ASPM: variants seen among roughly 807,000 people sequenced by gnomAD.
ASPM encodes assembly factor for spindle microtubules, also known as abnormal spindle-like microcephaly-associated protein.
A neutral mutation model predicts 366.4 loss-of-function variants in ASPM; 256 were observed. The observed-to-expected ratio is 0.70, with a 90% CI of 0.63 to 0.77. ASPM has a LOEUF of 0.77. Ranked by LOEUF, ASPM falls within the 30% of genes least tolerant of loss-of-function variation. The pLI is 0.00. For synonymous variants in ASPM, 1,414 were observed against 1,342.9 expected (o/e 1.05, Z -1.16); for missense variants, 4,146 against 4,090.4 (o/e 1.01, Z -0.37).
Position 197,102,740 on chromosome 1 carries a change from T to C in ASPM, c.6511A>G (p.Lys2171Glu), listed in dbSNP as rs146254857. The C allele has an allele frequency of 8.1e-6, 13 of 1,612,562 alleles. No homozygotes were observed. Among genetic ancestry groups the C allele is most frequent in the African/African-American group, 4.0e-5 (3 of 74,820 alleles). The change falls in exon 18 of 28, where the codon AAA (lysine) becomes GAA (glutamate). Residue 2171 changes from lysine (K) to glutamate (E), a missense_variant. Coordinates refer to ENST00000367409, the MANE Select transcript of ASPM (RefSeq NM_018136.5). ...EKYLTILKAV[K>E]VLQASFRGVR... is the part of the protein sequence containing the mutation. ...CCTCTAAAACTTGCCTGAAGGACTTTAACAGCTTTCAAAATTGTCAGGTAC... is the reference window on the plus strand; with the variant it reads ...CCTCTAAAACTTGCCTGAAGGACTTCAACAGCTTTCAAAATTGTCAGGTAC...
intron 17 of ASPM, among the ~76,000 whole-genome samples, chr1:197,106,845 A>C (rs1434403156): frequency 3.3e-5 from 5 of 152,118 alleles, no homozygotes; most frequent in African/African-American, 1.2e-4. Context: ...ACAGCAAATA[A>C]AAATAATTGA....
intron 16 of ASPM, among the ~76,000 whole-genome samples, chr1:197,120,895 T>A (rs546737293): frequency 2.0e-5 from 3 of 152,166 alleles, no homozygotes; most frequent in African/African-American, 7.2e-5. Flanking sequence ...AACTTTACTA[T>A]GAAGAGTTTG....
In ASPM at chr1:197,103,748, A is replaced by C. The variant is rs560302092; in HGVS notation, c.5503T>G (p.Phe1835Val). Residue 1835 changes from phenylalanine to valine, a missense_variant, in exon 18 of 28, where the codon TTT becomes GTT. By Grantham distance (50) the Phe-to-Val change is conservative. Around this residue, in one of 3 missense-constraint regions of ASPM, gnomAD observed 3,624 missense variants for 3,591.7 expected, o/e 1.01. Coordinates refer to ENST00000367409, the MANE Select transcript of ASPM (RefSeq NM_018136.5). Reference sequence around the variant, plus strand: ...TTTACCCTTTTATTATAGCCTCTAAAAGCAGACTGAATTTTAAGAGCAGCT... The same window carrying C: ...TTTACCCTTTTATTATAGCCTCTAACAGCAGACTGAATTTTAAGAGCAGCT... ...SIAALKIQSA[F>V]RGYNKRVKYQ... is the part of the protein sequence containing the mutation. 1.3e-5 allele frequency: 21 copies of C among 1,612,838 alleles called. No individual in the cohort carries two copies. The highest frequency in any genetic ancestry group is 1.8e-5 in the Non-Finnish European group (21 of 1,179,332).
At chr1:197,089,002 T>C (rs938891233) in intron 25 of ASPM, among the ~76,000 whole-genome samples, 1 of 133,264 alleles carries the variant, frequency 7.5e-6, no homozygotes, top group African/African-American at 2.4e-5. Context: ...GATACTAAGA[T>C]AAAAATAACA....
In ASPM at chr1:197,086,878, T is replaced by G. The variant is rs1459036835; in HGVS notation, c.10256A>C (p.Tyr3419Ser). ...KHKMNTERIL[Y>S]KQKKNSSISI... Reference sequence around the variant, plus strand: ...TATAGAAGAATTCTTCTTTTGCTTGTAAAGTATTCTTTCAGTATTCATTTT... The same window carrying G: ...TATAGAAGAATTCTTCTTTTGCTTGGAAAGTATTCTTTCAGTATTCATTTT... Residue 3419 changes from tyrosine (Y) to serine (S), a missense_variant, in exon 27 of 28, where the codon TAC (tyrosine) becomes TCC (serine). By Grantham distance (144) the Tyr-to-Ser change is moderately radical. This residue lies in a region of ASPM where 3,624 missense variants were observed against 3,591.7 expected (regional missense o/e 1.01). Transcript: ENST00000367409. The G allele has an allele frequency of 6.2e-7, 1 of 1,611,302 alleles. No individual in the cohort carries two copies. Among genetic ancestry groups the G allele is most frequent in the African/African-American group, 1.3e-5 (1 of 74,876 alleles).
chr1:197,108,726 T>C (rs1335027452), intron 17 of ASPM, among the ~76,000 whole-genome samples: 2 of 151,856 alleles, frequency 1.3e-5, no homozygotes, highest in East Asian at 3.9e-4. Context: ...TTCCTAGCAC[T>C]TTAGGAGGCC....
At chr1:197,141,215 A>G (rs929410417) in intron 3 of ASPM, among the ~76,000 whole-genome samples, 1 of 152,142 alleles carries the variant, frequency 6.6e-6, no homozygotes. Flanking sequence ...AATATTTCAT[A>G]AAACACAAAA....
chr1:197,135,623 C>CTTTTT (rs778898963), intron 4 of ASPM, among the ~76,000 whole-genome samples: 20 of 69,756 alleles, frequency 2.9e-4, no homozygotes, highest in Non-Finnish European at 3.7e-4. Flanking sequence ...AAATATCTGT[C>CTTTTT]TTTTTTTTTT....
chr1:197,139,684 A>C, intron 4 of ASPM, 83 bp downstream of exon 4: 1 of 1,098,514 alleles, frequency 9.1e-7, no homozygotes, highest in East Asian at 2.4e-5. Context: ...AACAACAAAA[A>C]TCAATTCATT....
intron 4 of ASPM, 69 bp downstream of exon 4, chr1:197,139,698 A>T: frequency 8.5e-7 from 1 of 1,181,132 alleles, no homozygotes; most frequent in Non-Finnish European, 1.3e-6. Flanking sequence ...ATTCATTTCC[A>T]TGTGAAATGC....
intron 17 of ASPM, among the ~76,000 whole-genome samples, chr1:197,113,300 G>A (rs558789828): frequency 6.6e-6 from 1 of 152,106 alleles, no homozygotes; most frequent in South Asian, 2.1e-4. Flanking sequence ...TGTACACTAA[G>A]GCTTAATGAC....
rs201072395 is a variant in ASPM at position 197,090,080 on chromosome 1, T to C, written c.9834A>G (p.Val3278=). 11 of 1,612,968 alleles carry C rather than the reference T, an allele frequency of 6.8e-6. No individual in the cohort carries two copies. The Admixed American group carries it at 1.3e-4, about 20-fold the overall frequency. Residue 3278 remains valine, a synonymous_variant, in exon 25 of 28, where the codon GTA becomes GTG. Coordinates refer to ENST00000367409, the MANE Select transcript of ASPM (RefSeq NM_018136.5). ...AILEALKHLE[V]VTRLSPLCCE... is the part of the protein sequence containing the mutation. Reference sequence around the variant, plus strand: ...AACAAAGTGGAGACAATCTAGTAACTACCTCTGAAAGAAAAAAAAAACACA... The same window carrying C: ...AACAAAGTGGAGACAATCTAGTAACCACCTCTGAAAGAAAAAAAAAACACA...
At position 197,121,933 on chromosome 1, in the gene ASPM, T is replaced by C. The variant is rs374564841; in HGVS notation, c.3852A>G (p.Thr1284=). Residue 1284 remains threonine, a synonymous_variant, in exon 16 of 28, where the codon ACA becomes ACG. Coordinates refer to ENST00000367409, the MANE Select transcript of ASPM (RefSeq NM_018136.5). The part of the protein sequence containing the change: ...QTTWRKYKLK[T]DLKRHQEREK... ...GGAGTACCTGATGGCGTTTGAGATCTGTTTTTAGTTTATATTTTCTCCATG... is the reference window on the plus strand; with the variant it reads ...GGAGTACCTGATGGCGTTTGAGATCCGTTTTTAGTTTATATTTTCTCCATG... 1.1e-4 allele frequency: 172 copies of C among 1,610,566 alleles called. 1 individual carries two copies. Among genetic ancestry groups the C allele is most frequent in the Non-Finnish European group, 1.4e-4 (169 of 1,177,208 alleles).
rs1657777186 is a variant in ASPM at position 197,117,688 on chromosome 1, T to A, written c.4065+101A>T. On this transcript the variant is annotated intron_variant, in intron 17 of 27. Coordinates refer to ENST00000367409, the MANE Select transcript of ASPM (RefSeq NM_018136.5). Reference sequence around the variant, plus strand: ...GTTAAATTAAGTATTAGATAAAGAATCCTAAAATATAATCATTGAAAACTT... The same window carrying A: ...GTTAAATTAAGTATTAGATAAAGAAACCTAAAATATAATCATTGAAAACTT... The A allele has an allele frequency of 2.8e-6, 3 of 1,055,192 alleles. No individual in the cohort carries two copies. The South Asian group carries it at 4.4e-5, about 16-fold the overall frequency. 65.4% of individuals were successfully genotyped at this position (1,055,192 alleles called of 1,614,324 possible).
At chr1:197,115,754 G>A (rs561811860) in intron 17 of ASPM, among the ~76,000 whole-genome samples, 9 of 152,080 alleles carry the variant, frequency 5.9e-5, no homozygotes, top group Non-Finnish European at 1.3e-4. Context: ...TCTCAACAAC[G>A]GACTTAGAAT....
chr1:197,089,780 T>C (rs926783217), intron 25 of ASPM, 150 bp downstream of exon 25: 13 of 700,562 alleles, frequency 1.9e-5, no homozygotes, highest in Admixed American at 1.8e-4. Flanking sequence ...TCTACATTTA[T>C]GTTAATAAAC....
intron 6 of ASPM, among the ~76,000 whole-genome samples, chr1:197,132,574 C>T (rs1368826702): frequency 6.6e-6 from 1 of 151,848 alleles, no homozygotes; most frequent in Non-Finnish European, 1.5e-5. Flanking sequence ...TTTTGAAATA[C>T]AAAATCTCTT....
intron 26 of ASPM, among the ~76,000 whole-genome samples, chr1:197,087,729 A>G (rs1399657799): frequency 6.6e-6 from 1 of 152,112 alleles, no homozygotes; most frequent in Non-Finnish European, 1.5e-5. Flanking sequence ...ATATCCACAC[A>G]TGCTCTCCCA....
intron 16 of ASPM, 37 bp downstream of exon 16, chr1:197,121,878 T>C (rs925279114): frequency 2.2e-5 from 34 of 1,568,564 alleles, no homozygotes; most frequent in Non-Finnish European, 2.8e-5. Context: ...TTCTAAAGTA[T>C]AATTCACACT....
Sources: gnomAD v4.1 joint callset for allele counts (sites outside exome capture counted in the v4.1 genomes callset) on GRCh38, gnomAD v4.1.1 for gene constraint, gnomAD v4.1.1 regional missense constraint, MANE v1.5 for transcripts, NCBI Gene and HGNC (gene_info 2026-07-23, HGNC 2026-07-21) for gene names.